The following GABRR3 variants were observed in gnomAD, a reference collection of about 807,000 sequenced individuals.
GABRR3 encodes gamma-aminobutyric acid type A receptor subunit rho3.
Under a neutral mutation model 43.2 loss-of-function variants are expected in GABRR3, and 29 were observed. The observed-to-expected ratio is 0.67, with a 90% CI of 0.50 to 0.92. The LOEUF is 0.92. GABRR3 is among the 40% of genes least tolerant of loss of function. The probability of loss-of-function intolerance (pLI) is 0.00; values close to 1 mark genes in which losing one functional copy is unlikely to be tolerated. For synonymous variants in GABRR3, 206 were observed against 195.9 expected, an observed-to-expected ratio of 1.05 and a Z score of -0.43; for missense variants, 576 against 572.3, an observed-to-expected ratio of 1.01 and a Z score of -0.07.
At chr3:98,021,073 C>G (rs1218055085) in intron 3 of GABRR3, among the ~76,000 whole-genome samples, 1 of 151,676 alleles carries the variant, frequency 6.6e-6, no homozygotes, top group Non-Finnish European at 1.5e-5. Flanking sequence ...TCATGTTGGT[C>G]AGGCTGGTCT....
At chr3:98,029,008 C>G (rs1208835518) in intron 2 of GABRR3, among the ~76,000 whole-genome samples, 1 of 151,998 alleles carries the variant, frequency 6.6e-6, no homozygotes, top group African/African-American at 2.4e-5. Flanking sequence ...TTTGTGTCTT[C>G]TCCCCTCTCC....
exon 10 of GABRR3, chr3:97,986,908 G>A (rs1420633227): frequency 1.2e-6 from 2 of 1,611,540 alleles, no homozygotes; most frequent in Non-Finnish European, 8.5e-7. Context: ...TCTGGTCCAT[G>A]TCAATCTCGC....
Position 98,009,043 on chromosome 3 carries a change from A to G in GABRR3, c.531-5T>C, listed in dbSNP as rs926976819. The stretch of plus-strand genomic sequence containing the variant: ...CACATGGCCGAAACCGTTATCCTAT[A>G]AAAAGAATGAGAAAAAGAAAACTGC... On this transcript the variant is annotated splice_region_variant and splice_polypyrimidine_tract_variant and intron_variant, in intron 5 of 9. Coordinates refer to ENST00000621172, the Ensembl canonical transcript of GABRR3. 1 of 1,590,012 alleles carries G rather than the reference A, an allele frequency of 6.3e-7. No homozygotes were observed. Among genetic ancestry groups the G allele is most frequent in the Non-Finnish European group, 8.6e-7 (1 of 1,165,494 alleles).
chr3:98,017,435 T>C (rs1706885273), intron 4 of GABRR3, among the ~76,000 whole-genome samples: 1 of 152,180 alleles, frequency 6.6e-6, no homozygotes, highest in East Asian at 1.9e-4. Context: ...AGAAATCCAT[T>C]AGAAGGAAAA....
downstream of GABRR3, among the ~76,000 whole-genome samples, chr3:97,985,160 G>A (rs1379070322): frequency 6.6e-6 from 1 of 152,122 alleles, no homozygotes; most frequent in African/African-American, 2.4e-5. Flanking sequence ...ATAGGTATCG[G>A]AATATTTCAT....
chr3:97,992,735 C>A, intron 9 of GABRR3, 117 bp downstream of exon 9: 1 of 907,344 alleles, frequency 1.1e-6, no homozygotes, highest in Non-Finnish European at 1.6e-6. Flanking sequence ...CAACTTGCCT[C>A]TTGACAAGCA....
chr3:98,024,001 A>T (rs1419849403), intron 3 of GABRR3, among the ~76,000 whole-genome samples: 1 of 152,130 alleles, frequency 6.6e-6, no homozygotes, highest in Admixed American at 6.6e-5. Flanking sequence ...TGCCTTCAGA[A>T]CCCCCAGGTG....
At chr3:97,992,979 T>C in exon 9 of GABRR3, 5 of 1,613,402 alleles carry the variant, frequency 3.1e-6, no homozygotes, top group Non-Finnish European at 4.2e-6. Context: ...AGCCTTGAGG[T>C]AGGACACCTG....
chr3:98,015,436 T>C (rs1053223380), intron 4 of GABRR3, among the ~76,000 whole-genome samples: 7 of 152,224 alleles, frequency 4.6e-5, no homozygotes, highest in Non-Finnish European at 7.3e-5. Context: ...CCTCAAATGA[T>C]CTGGCCACCT....
At chr3:98,029,257 C>T (rs886550656) in intron 2 of GABRR3, among the ~76,000 whole-genome samples, 2 of 152,080 alleles carry the variant, frequency 1.3e-5, no homozygotes, top group African/African-American at 2.4e-5. Flanking sequence ...TGGTTTTTCT[C>T]TTTGAATTGG....
At chr3:97,987,118 AT>A (rs5851090) in intron 9 of GABRR3, 136 bp from the exon 10 acceptor site, 2 of 634,488 alleles carry the variant, frequency 3.2e-6, no homozygotes, top group South Asian at 4.5e-5. Context: ...TTTTCAACTT[AT>A]TTTTTTCTTT....
At chr3:97,998,314 T>C (rs1011946304) in intron 8 of GABRR3, 2 of 152,166 alleles carry the variant, frequency 1.3e-5, no homozygotes, top group Non-Finnish European at 2.9e-5. Flanking sequence ...TGGTATTGTG[T>C]CTTTTGAGAT....
intron 2 of GABRR3, among the ~76,000 whole-genome samples, chr3:98,031,432 G>A (rs888945687): frequency 2.0e-5 from 3 of 152,260 alleles, no homozygotes; most frequent in Non-Finnish European, 2.9e-5. Flanking sequence ...CTGGCCACAC[G>A]AGGCTCAAGT....
At chr3:98,028,811 C>T (rs1313608711) in intron 2 of GABRR3, among the ~76,000 whole-genome samples, 1 of 152,048 alleles carries the variant, frequency 6.6e-6, no homozygotes. Flanking sequence ...CATTGTACCC[C>T]AGGAGGATAG....
chr3:97,987,647 T>C (rs1706405227), intron 9 of GABRR3, among the ~76,000 whole-genome samples: 2 of 152,360 alleles, frequency 1.3e-5, no homozygotes, highest in South Asian at 4.1e-4. Context: ...TATAGTGATT[T>C]AAAAACCTAA....
chr3:97,998,999 G>A (rs894980486), intron 8 of GABRR3: 2 of 152,078 alleles, frequency 1.3e-5, no homozygotes, highest in African/African-American at 2.4e-5. Context: ...GTGTAAATGG[G>A]TCCTAAGGCC....
At chr3:98,000,514 T>C (rs1467487961) in intron 8 of GABRR3, 2 of 152,148 alleles carry the variant, frequency 1.3e-5, no homozygotes, top group East Asian at 3.8e-4. Context: ...CTTATTCAGA[T>C]GGTATTTTTT....
intron 7 of GABRR3, among the ~76,000 whole-genome samples, chr3:98,006,167 T>A (rs1028866945): frequency 1.4e-4 from 21 of 152,056 alleles, no homozygotes; most frequent in African/African-American, 4.3e-4. Context: ...ATATAGTTTA[T>A]CTCTATGAGG....
chr3:98,019,112 A>G (rs1321054771), intron 3 of GABRR3, among the ~76,000 whole-genome samples: 5 of 149,748 alleles, frequency 3.3e-5, no homozygotes, highest in African/African-American at 1.2e-4. Flanking sequence ...TCTCTCTCAA[A>G]AAAAAAAAGA....
Sources: allele counts gnomAD v4.1 joint callset (sites outside exome capture counted in the v4.1 genomes callset), GRCh38; gene constraint gnomAD v4.1.1; transcripts MANE v1.5; gene names NCBI Gene and HGNC (gene_info 2026-07-23, HGNC 2026-07-21).